Variants in CLCA1 observed in about 807,000 individuals in gnomAD.
CLCA1 encodes calcium-activated chloride channel regulator 1.
Under a neutral mutation model 85.6 loss-of-function variants are expected in CLCA1, and 59 were observed. The ratio of observed to expected loss-of-function variants is 0.69; its 90% confidence interval spans 0.56 to 0.86. The LOEUF (loss-of-function observed/expected upper bound fraction) is 0.86. Ranked by LOEUF, CLCA1 falls within the 40% of genes least tolerant of loss-of-function variation. The pLI is 0.00. For synonymous variants in CLCA1, 396 were observed against 398.3 expected, an observed-to-expected ratio of 0.99 and a Z score of 0.07; for missense variants, 1,022 against 1,101.4, an observed-to-expected ratio of 0.93 and a Z score of 1.02.
intron 4 of CLCA1, among the ~76,000 whole-genome samples, chr1:86,481,679 A>G (rs1290087138): frequency 1.1e-4 from 16 of 152,208 alleles, no homozygotes; most frequent in Admixed American, 1.0e-3. Flanking sequence ...TACTTAAAAA[A>G]TACAATTAAA....
At chr1:86,480,439 A>G (rs1011639736) in intron 4 of CLCA1, among the ~76,000 whole-genome samples, 1 of 152,170 alleles carries the variant, frequency 6.6e-6, no homozygotes, top group Admixed American at 6.5e-5. Context: ...CCTGGGCAAC[A>G]TGGTGAAACC....
intron 4 of CLCA1, among the ~76,000 whole-genome samples, chr1:86,480,395 G>A (rs1647786263): frequency 6.6e-6 from 1 of 152,082 alleles, no homozygotes; most frequent in South Asian, 2.1e-4. Flanking sequence ...ATTTACAAAA[G>A]AAGAAATTAA....
chr1:86,479,681 C>T (rs1463284196), intron 4 of CLCA1, among the ~76,000 whole-genome samples: 4 of 152,232 alleles, frequency 2.6e-5, no homozygotes, highest in South Asian at 2.1e-4. Flanking sequence ...GTCAGGAGAT[C>T]GAGACCATCC....
chr1:86,493,615 T>G lies in CLCA1; in HGVS notation c.1680+16T>G, dbSNP rs959573942. The G allele has an allele frequency of 1.3e-6, 2 of 1,568,044 alleles. No individual in the cohort carries two copies. The highest frequency in any genetic ancestry group is 2.7e-5 in the African/African-American group (2 of 73,776). On this transcript the variant is annotated intron_variant, in intron 10 of 13. Coordinates refer to ENST00000394711, the MANE Select transcript of CLCA1 (RefSeq NM_001285.4). ...CATTGCTAAGGTATGGAGTCAGCTT[T>G]TTTTCTTTCTCATAATTCAACAAGA...
intron 13 of CLCA1, 126 bp downstream of exon 13, chr1:86,498,937 C>T: frequency 9.7e-7 from 1 of 1,034,868 alleles, no homozygotes; most frequent in East Asian, 2.5e-5. Context: ...TCTTGCCGGT[C>T]CTTTGAAATG....
Position 86,486,576 on chromosome 1 carries a change from G to A in CLCA1, c.1005G>A (p.Leu335=), listed in dbSNP as rs1437705774. 1 of 1,614,156 alleles carries A rather than the reference G, an allele frequency of 6.2e-7. No individual in the cohort carries two copies. Among genetic ancestry groups the A allele is most frequent in the East Asian group, 2.2e-5 (1 of 44,884 alleles). ...RLNQAGQLFL[L]QTVELGSWVG... ...ATCAAGCAGGCCAGCTTTTCCTGCT[G>A]CAGACAGTTGAGCTGGGGTCCTGGG... Residue 335 remains leucine (L), a synonymous_variant, in exon 7 of 14, where the codon CTG becomes CTA. Coordinates refer to ENST00000394711, the MANE Select transcript of CLCA1 (RefSeq NM_001285.4).
At chr1:86,488,127 G>T (rs2753335) in intron 7 of CLCA1, among the ~76,000 whole-genome samples, 1 of 152,120 alleles carries the variant, frequency 6.6e-6, no homozygotes, top group Non-Finnish European at 1.5e-5. Flanking sequence ...TTCAGAGGAC[G>T]CCTTCTTTTC....
At chr1:86,480,832 A>G (rs1647798047) in intron 4 of CLCA1, among the ~76,000 whole-genome samples, 1 of 152,212 alleles carries the variant, frequency 6.6e-6, no homozygotes, top group Non-Finnish European at 1.5e-5. Flanking sequence ...TGGGTGACAC[A>G]TATCAAATTA....
rs771726843 is a variant in CLCA1, at chr1:86,491,323, T to G, written c.1416T>G (p.Phe472Leu). ...QVQNNGLIDA[F>L]GALSSGNGAV... ...AGAACAATGGCCTCATTGATGCTTT[T>G]GGGGCCCTTTCATCAGGAAATGGAG... Residue 472 changes from phenylalanine (F) to leucine (L), a missense_variant, in exon 9 of 14, where the codon TTT becomes TTG. Coordinates refer to ENST00000394711, the MANE Select transcript of CLCA1 (RefSeq NM_001285.4). The G allele has an allele frequency of 6.2e-7, 1 of 1,613,760 alleles. No homozygotes were observed. The highest frequency in any genetic ancestry group is 1.1e-5 in the South Asian group (1 of 91,040).
rs369269199 is a variant in CLCA1, at chr1:86,499,950, T to C, written c.2650T>C (p.Cys884Arg). ...TPSPDETSAP[C>R]PNIHINSTIP... Reference sequence around the variant, plus strand: ...TAGTCCTGATGAAACGTCTGCTCCTTGTCCTAATATTCATATCAACAGCAC... The same window carrying C: ...TAGTCCTGATGAAACGTCTGCTCCTCGTCCTAATATTCATATCAACAGCAC... Residue 884 changes from cysteine (C) to arginine (R), a missense_variant, in exon 14 of 14, where the codon TGT becomes CGT. Coordinates refer to ENST00000394711, the MANE Select transcript of CLCA1 (RefSeq NM_001285.4). The C allele has an allele frequency of 1.5e-5, 25 of 1,613,320 alleles. No individual in the cohort carries two copies. The highest frequency in any genetic ancestry group is 2.1e-5 in the Non-Finnish European group (25 of 1,179,382).
In CLCA1 at chr1:86,498,557, A is replaced by G; in HGVS notation, c.2114-15A>G. ...TGATGTTGCTTACCATATTTTGAGTATTTTTTTAATGCAGATGAAATACAA... is the reference window on the plus strand; with the variant it reads ...TGATGTTGCTTACCATATTTTGAGTGTTTTTTTAATGCAGATGAAATACAA... On this transcript the variant is annotated splice_polypyrimidine_tract_variant and intron_variant, in intron 12 of 13. Transcript: ENST00000394711. 1 of 1,607,940 alleles carries G rather than the reference A, an allele frequency of 6.2e-7. No individual in the cohort carries two copies. Among genetic ancestry groups the G allele is most frequent in the East Asian group, 2.2e-5 (1 of 44,706 alleles).
chr1:86,495,118 C>G (rs1648241600), intron 11 of CLCA1, among the ~76,000 whole-genome samples: 2 of 151,814 alleles, frequency 1.3e-5, no homozygotes, highest in South Asian at 4.2e-4. Flanking sequence ...AATTTCCCAC[C>G]TAAATCTACC....
chr1:86,478,859 T>C (rs1181082029), intron 4 of CLCA1, among the ~76,000 whole-genome samples: 1 of 152,236 alleles, frequency 6.6e-6, no homozygotes, highest in African/African-American at 2.4e-5. Context: ...TTTTAAGGCT[T>C]AGAAGCAATC....
intron 7 of CLCA1, among the ~76,000 whole-genome samples, chr1:86,488,647 C>T (rs534991359): frequency 3.9e-5 from 6 of 152,252 alleles, no homozygotes; most frequent in African/African-American, 1.4e-4. Context: ...GAGATGGTTT[C>T]TGAAGGCATC....
At chr1:86,496,145 C>G (rs1648276925) in intron 12 of CLCA1, among the ~76,000 whole-genome samples, 1 of 152,190 alleles carries the variant, frequency 6.6e-6, no homozygotes, top group African/African-American at 2.4e-5. Flanking sequence ...AATAACTAAA[C>G]ACATCTAACA....
At chr1:86,492,457 A>G (rs1252210376) in intron 9 of CLCA1, among the ~76,000 whole-genome samples, 1 of 152,156 alleles carries the variant, frequency 6.6e-6, no homozygotes, top group Non-Finnish European at 1.5e-5. Flanking sequence ...AGATGGAGAA[A>G]TGAGCAAGAC....
intron 7 of CLCA1, 97 bp from the exon 8 acceptor site, chr1:86,488,899 C>T: frequency 9.7e-7 from 1 of 1,033,868 alleles, no homozygotes; most frequent in African/African-American, 1.6e-5. Context: ...TGGTTATTCC[C>T]TCTAGAATTT....
chr1:86,493,967 C>T (rs958464048), intron 10 of CLCA1, among the ~76,000 whole-genome samples: 8 of 152,148 alleles, frequency 5.3e-5, no homozygotes, highest in Non-Finnish European at 8.8e-5. Context: ...TCACCATCCC[C>T]CTCCCACCCG....
chr1:86,474,351 A>G (rs564330094), intron 3 of CLCA1, among the ~76,000 whole-genome samples: 106 of 152,264 alleles, frequency 7.0e-4, no homozygotes, highest in Middle Eastern at 3.4e-3. Context: ...TCAGGAGATC[A>G]AGACCATCCT....
Sources: gnomAD v4.1 joint callset for allele counts (sites outside exome capture counted in the v4.1 genomes callset) on GRCh38, gnomAD v4.1.1 for gene constraint, MANE v1.5 for transcripts, NCBI Gene and HGNC (gene_info 2026-07-23, HGNC 2026-07-21) for gene names.